The following FAM237A variants were observed in gnomAD, a reference collection of about 807,000 sequenced individuals.
The protein encoded by FAM237A is protein FAM237A.
A neutral mutation model predicts 12.5 loss-of-function variants in FAM237A; 14 were observed. The ratio of observed to expected loss-of-function variants is 1.12; its 90% CI spans 0.74 to 1.75. FAM237A has a LOEUF of 1.75. Ranked by LOEUF, FAM237A falls within the 40% of genes most tolerant of loss-of-function variation. The probability of loss-of-function intolerance (pLI) is 0.00; values close to 1 mark genes in which losing one functional copy is unlikely to be tolerated. For missense variants in FAM237A, 240 were observed against 211.7 expected, an observed-to-expected ratio of 1.13 and a Z score of -0.83; for synonymous variants, 85 against 77.5, an observed-to-expected ratio of 1.10 and a Z score of -0.51.
In FAM237A at chr2:206,648,642, T is replaced by C. The variant is rs1458882702; in HGVS notation, c.413-19T>C. On this transcript the variant is annotated intron_variant, in intron 2 of 2. Coordinates refer to ENST00000441223, the MANE Select transcript of FAM237A (RefSeq NM_001102659.3). ...AACTAATTTGGTGATCTTATGAAGT[T>C]CCGCTTTTCTACTTTCAGGTACATA... The C allele has an allele frequency of 6.3e-7, 1 of 1,576,154 alleles. No individual in the cohort carries two copies. Among genetic ancestry groups the C allele is most frequent in the Non-Finnish European group, 8.6e-7 (1 of 1,163,102 alleles).
chr2:206,644,167 T>C lies in FAM237A; in HGVS notation c.-10-60T>C, dbSNP rs565430013. On this transcript the variant is annotated intron_variant, in intron 1 of 2. Transcript: ENST00000441223. ...AGTAAGGTTATTAAGGGCATACTTA[T>C]TTTCTTTACTGAGCAGAGCACAAGC... 1.4e-4 allele frequency: 204 copies of C among 1,420,896 alleles called. 2 individuals carry two copies. The Middle Eastern group carries it at 2.8e-3, about 19-fold the overall frequency. 88.0% of individuals were successfully genotyped at this position (1,420,896 alleles called of 1,614,324 possible).
rs575306073 is a variant in FAM237A at position 206,643,838 on chromosome 2, G to A, written c.-10-389G>A. Among the ~76,000 whole-genome samples, 20 of 152,298 alleles carry A rather than the reference G, an allele frequency of 1.3e-4. No individual in the cohort carries two copies. The South Asian group carries it at 4.1e-3, about 32-fold the overall frequency. On this transcript the variant is annotated intron_variant, in intron 1 of 2. Transcript: ENST00000441223. ...TAATTATATATAAGTCCTAGATTAG[G>A]AGAGCCAGGTTTCGCTAAGATATTA...
At chr2:206,646,787 A>C (rs1437915615) in intron 2 of FAM237A, among the ~76,000 whole-genome samples, 1 of 152,204 alleles carries the variant, frequency 6.6e-6, no homozygotes, top group Non-Finnish European at 1.5e-5. Context: ...TTAAATCTCT[A>C]GAGGTTCAAC....
At chr2:206,648,613 C>T in intron 2 of FAM237A, 48 bp from the exon 3 acceptor site, 1 of 1,535,668 alleles carries the variant, frequency 6.5e-7, no homozygotes, top group South Asian at 1.3e-5. Flanking sequence ...TTTAATTAAC[C>T]TGAAACTAAT....
In FAM237A at chr2:206,648,845, A is replaced by AC; in HGVS notation, c.*52dup. The AC allele has an allele frequency of 7.6e-7, 1 of 1,320,712 alleles. No individual in the cohort carries two copies. The allele number at this position is 1,320,712 out of a possible 1,614,324, so 81.8% of individuals were successfully genotyped here. ...TTGGAATTAAATATACATATATATA[A>AC]CATTTTTCTTAACTATTGATTATTT... is the stretch of plus-strand genomic sequence containing the variant. On this transcript the variant is annotated 3_prime_UTR_variant, in exon 3 of 3. Coordinates refer to ENST00000441223, the MANE Select transcript of FAM237A (RefSeq NM_001102659.3).
intron 2 of FAM237A, among the ~76,000 whole-genome samples, chr2:206,647,990 C>T (rs1699338669): frequency 6.6e-6 from 1 of 151,990 alleles, no homozygotes; most frequent in African/African-American, 2.4e-5. Context: ...ACTAGCTGGC[C>T]AATGCTCATA....
Position 206,648,813 on chromosome 2 carries a change from T to A in FAM237A, c.*19T>A. 1 of 1,512,112 alleles carries A rather than the reference T, an allele frequency of 6.6e-7. No homozygotes were observed. Among genetic ancestry groups the A allele is most frequent in the Non-Finnish European group, 8.9e-7 (1 of 1,129,514 alleles). 93.7% of individuals were successfully genotyped at this position (1,512,112 alleles called of 1,614,324 possible). ...AAAATAAATTGAACTCGGAGCTAATTCATGCCTTGGAATTAAATATACATA... is the reference window on the plus strand; with the variant it reads ...AAAATAAATTGAACTCGGAGCTAATACATGCCTTGGAATTAAATATACATA... On this transcript the variant is annotated 3_prime_UTR_variant, in exon 3 of 3. Coordinates refer to ENST00000441223, the MANE Select transcript of FAM237A (RefSeq NM_001102659.3).
At chr2:206,646,524 G>C (rs2105882484) in intron 2 of FAM237A, among the ~76,000 whole-genome samples, 1 of 152,288 alleles carries the variant, frequency 6.6e-6, no homozygotes, top group African/African-American at 2.4e-5. Flanking sequence ...TCTTGCTACG[G>C]AGTTGTTGGT....
In FAM237A at chr2:206,644,590, G is replaced by A. The variant is rs1559299955; in HGVS notation, c.354G>A (p.Leu118=). 1 of 1,609,864 alleles carries A rather than the reference G, an allele frequency of 6.2e-7. No homozygotes were observed. The highest frequency in any genetic ancestry group is 1.7e-5 in the Admixed American group (1 of 59,236). The part of the protein sequence containing the change: ...SRNHGLGRRQ[L]VGEEEKISAA... ...ACCATGGCTTAGGAAGGAGGCAATT[G>A]GTTGGAGAGGAAGAGAAAATCTCAG... is the stretch of plus-strand genomic sequence containing the variant. The change falls in exon 2 of 3, where the codon TTG becomes TTA. Residue 118 remains leucine (L), a synonymous_variant. Transcript: ENST00000441223.
At chr2:206,646,615 T>A (rs1436383867) in intron 2 of FAM237A, among the ~76,000 whole-genome samples, 1 of 152,218 alleles carries the variant, frequency 6.6e-6, no homozygotes, top group Non-Finnish European at 1.5e-5. Flanking sequence ...TTTATTGAGA[T>A]TATTTTAATG....
chr2:206,647,047 A>G (rs1699325872), intron 2 of FAM237A, among the ~76,000 whole-genome samples: 1 of 152,238 alleles, frequency 6.6e-6, no homozygotes, highest in East Asian at 1.9e-4. Context: ...AAATCTTACT[A>G]TGAATCATAC....
At chr2:206,645,472 C>A (rs2105882113) in intron 2 of FAM237A, among the ~76,000 whole-genome samples, 1 of 152,100 alleles carries the variant, frequency 6.6e-6, no homozygotes, top group Middle Eastern at 3.4e-3. Flanking sequence ...GCATTGAAAC[C>A]TTTTATCAAG....
intron 2 of FAM237A, among the ~76,000 whole-genome samples, chr2:206,647,994 G>A (rs1177220129): frequency 1.3e-5 from 2 of 152,120 alleles, no homozygotes; most frequent in Non-Finnish European, 2.9e-5. Flanking sequence ...GCTGGCCAAT[G>A]CTCATAGTGC....
chr2:206,649,219 C>G lies in FAM237A; in HGVS notation c.*425C>G, dbSNP rs1699356965. On this transcript the variant is annotated 3_prime_UTR_variant, in exon 3 of 3. Coordinates refer to ENST00000441223, the MANE Select transcript of FAM237A (RefSeq NM_001102659.3). ...CATAAGGGACTACATTTTGGAATTA[C>G]TAGTTACTGACAATCTATGATATCT... is the stretch of plus-strand genomic sequence containing the variant. 6.6e-6 allele frequency among the ~76,000 whole-genome samples: 1 copy of G among 152,124 alleles called. No individual in the cohort carries two copies. Among genetic ancestry groups the G allele is most frequent in the Non-Finnish European group, 1.5e-5 (1 of 68,012 alleles).
chr2:206,647,632 G>GACACACACACACAC lies in FAM237A; in HGVS notation c.413-1007_413-994dup, dbSNP rs34672675. On this transcript the variant is annotated intron_variant, in intron 2 of 2. Transcript: ENST00000441223. ...AGAGAAAGGGTGAGAGAGACACACA[G>GACACACACACACAC]ACACACACACACACACACACACACA... 6.1e-3 allele frequency among the ~76,000 whole-genome samples: 857 copies of GACACACACACACAC among 139,558 alleles called. 2 individuals carry two copies. Among genetic ancestry groups the GACACACACACACAC allele is most frequent in the East Asian group, 0.01 (47 of 4,538 alleles). The allele number at this position is 139,558 out of a possible 152,430, so 91.6% of individuals were successfully genotyped here.
At position 206,642,961 on chromosome 2, in the gene FAM237A, A is replaced by G. The variant is rs996357254; in HGVS notation, c.-11+379A>G. Among the ~76,000 whole-genome samples, 14 of 152,244 alleles carry G rather than the reference A, an allele frequency of 9.2e-5. No individual in the cohort carries two copies. The highest frequency in any genetic ancestry group is 7.8e-4 in the Admixed American group (12 of 15,288). On this transcript the variant is annotated intron_variant, in intron 1 of 2. Transcript: ENST00000441223. The surrounding 1 kb of genome is among the most constrained non-coding windows in gnomAD (Gnocchi z 5.1). ...AAGGGACACAACAAATATGATTTCA[A>G]GTAGAGATAATGCATACATGATATG...
chr2:206,643,361 A>G (rs1427326327), intron 1 of FAM237A: 1 of 152,240 alleles, frequency 6.6e-6, no homozygotes, highest in Non-Finnish European at 1.5e-5. Flanking sequence ...TGGCAAAAAA[A>G]GTGAACATTT....
intron 2 of FAM237A, among the ~76,000 whole-genome samples, chr2:206,648,327 T>C (rs906044302): frequency 6.6e-6 from 1 of 152,224 alleles, no homozygotes; most frequent in Non-Finnish European, 1.5e-5. Context: ...GGTTACATTT[T>C]GAGTGGTTTA....
At chr2:206,646,832 A>T (rs1699322915) in intron 2 of FAM237A, among the ~76,000 whole-genome samples, 1 of 151,934 alleles carries the variant, frequency 6.6e-6, no homozygotes. Flanking sequence ...ATCCTCCAAT[A>T]TTTTTTTTCT....
Sources: gnomAD v4.1 joint callset for allele counts (sites outside exome capture counted in the v4.1 genomes callset) on GRCh38, gnomAD v4.1.1 for gene constraint, Gnocchi (gnomAD v3.1) non-coding constraint, MANE v1.5 for transcripts, NCBI Gene and HGNC (gene_info 2026-07-23, HGNC 2026-07-21) for gene names.